Variants in LNPEP observed in about 807,000 individuals in gnomAD.
The protein encoded by LNPEP is leucyl-cystinyl aminopeptidase.
Under a neutral mutation model 120.6 loss-of-function variants are expected in LNPEP, and 64 were observed. The observed-to-expected ratio is 0.53, with a 90% CI of 0.43 to 0.65. The LOEUF is 0.65. LNPEP is among the 30% of genes least tolerant of loss of function. The pLI is 0.00. For synonymous variants in LNPEP, 435 were observed against 425.4 expected, an observed-to-expected ratio of 1.02 and a Z score of -0.28; for missense variants, 1,057 against 1,200.0, an observed-to-expected ratio of 0.88 and a Z score of 1.76.
intron 4 of LNPEP, among the ~76,000 whole-genome samples, chr5:96,991,933 G>T (rs1235313511): frequency 1.3e-5 from 2 of 152,010 alleles, no homozygotes; most frequent in African/African-American, 2.4e-5. Context: ...TTTTCCACCT[G>T]TTGAGATCTT....
chr5:96,937,825 T>C (rs1788954274), intron 1 of LNPEP: 1 of 152,218 alleles, frequency 6.6e-6, no homozygotes, highest in Non-Finnish European at 1.5e-5. Context: ...GATGTGGGTA[T>C]TTGCAAACTG....
At chr5:96,959,279 C>G (rs1789541641) in intron 1 of LNPEP, among the ~76,000 whole-genome samples, 1 of 152,118 alleles carries the variant, frequency 6.6e-6, no homozygotes, top group South Asian at 2.1e-4. Context: ...ATATGTTGAG[C>G]TGATGAAGTA....
At chr5:96,966,992 C>T (rs569806648) in intron 1 of LNPEP, among the ~76,000 whole-genome samples, 30 of 152,152 alleles carry the variant, frequency 2.0e-4, no homozygotes, top group African/African-American at 7.0e-4. Flanking sequence ...AAATCACTTA[C>T]GTAAGCAACA....
intron 15 of LNPEP, among the ~76,000 whole-genome samples, chr5:97,026,221 A>G (rs1008518556): frequency 4.6e-5 from 7 of 152,174 alleles, no homozygotes; most frequent in Non-Finnish European, 8.8e-5. Context: ...ATGTATCCTA[A>G]TTTTCAAATA....
intron 1 of LNPEP, chr5:96,937,201 C>T (rs1370436949): frequency 2.0e-5 from 3 of 152,178 alleles, no homozygotes; most frequent in African/African-American, 7.2e-5. Context: ...GTCTATATCC[C>T]TGTTTAGTTT....
chr5:96,963,086 A>C (rs1400212243), intron 1 of LNPEP, among the ~76,000 whole-genome samples: 1 of 152,204 alleles, frequency 6.6e-6, no homozygotes, highest in African/African-American at 2.4e-5. Flanking sequence ...TCTGAGTTGA[A>C]ATTTGAAGTA....
chr5:97,016,914 C>T (rs1791080908), intron 13 of LNPEP, among the ~76,000 whole-genome samples: 1 of 152,102 alleles, frequency 6.6e-6, no homozygotes, highest in Non-Finnish European at 1.5e-5. Flanking sequence ...TGTTGATAGA[C>T]ATTTGCGTTA....
At chr5:97,001,355 G>A (rs1200580143) in intron 8 of LNPEP, among the ~76,000 whole-genome samples, 1 of 152,182 alleles carries the variant, frequency 6.6e-6, no homozygotes, top group Non-Finnish European at 1.5e-5. Context: ...TGAACAACTG[G>A]AAAAATGGAG....
chr5:96,944,537 C>CTT lies in LNPEP; in HGVS notation c.19+8368_19+8369dup, dbSNP rs147837667. Reference sequence around the variant, plus strand: ...GTTCATAGGTGGATTCAAAGATTTTCTTTTTTGTTTTTCTTATTTTTGCTT... The same window carrying CTT: ...GTTCATAGGTGGATTCAAAGATTTTCTTTTTTTTGTTTTTCTTATTTTTGCTT... On this transcript the variant is annotated intron_variant, in intron 1 of 17. Coordinates refer to ENST00000231368, the MANE Select transcript of LNPEP (RefSeq NM_005575.3). Among the ~76,000 whole-genome samples, 39 of 108,254 alleles carry CTT rather than the reference C, an allele frequency of 3.6e-4. 1 individual carries two copies. Among genetic ancestry groups the CTT allele is most frequent in the South Asian group, 1.3e-3 (4 of 3,004 alleles). 71.0% of individuals were successfully genotyped at this position (108,254 alleles called of 152,430 possible). A position where few individuals can be genotyped will look rare whatever the true frequency, so the allele number is the denominator to read the frequency against.
intron 4 of LNPEP, among the ~76,000 whole-genome samples, chr5:96,989,411 AAT>A (rs67185965): frequency 4.3e-5 from 1 of 22,990 alleles, no homozygotes; most frequent in Non-Finnish European, 8.2e-5. Flanking sequence ...TATTATATAT[AAT>A]ATATAATTAT....
intron 5 of LNPEP, among the ~76,000 whole-genome samples, chr5:96,993,336 G>T (rs1042984155): frequency 6.6e-6 from 1 of 152,156 alleles, no homozygotes; most frequent in African/African-American, 2.4e-5. Context: ...AAACACTTAA[G>T]TTTATAGGGC....
chr5:96,964,170 G>A (rs1452165743), intron 1 of LNPEP, among the ~76,000 whole-genome samples: 2 of 149,878 alleles, frequency 1.3e-5, no homozygotes, highest in African/African-American at 4.9e-5. Context: ...TTGTCTTTCT[G>A]TGTCTGACTT....
chr5:96,954,768 ATATATTTTTTTTTT>A (rs1789416880), intron 1 of LNPEP, among the ~76,000 whole-genome samples: 1 of 36,096 alleles, frequency 2.8e-5, no homozygotes, highest in African/African-American at 1.0e-4. Context: ...ATATATATAT[ATATATTTTTTTTTT>A]TTTTTTTTTT....
intron 2 of LNPEP, among the ~76,000 whole-genome samples, chr5:96,984,397 A>G (rs1790194256): frequency 6.6e-6 from 1 of 152,100 alleles, no homozygotes; most frequent in South Asian, 2.1e-4. Context: ...CTTAATCTAA[A>G]TGGGTCCAGG....
chr5:97,017,109 T>C (rs1412901326), intron 13 of LNPEP, among the ~76,000 whole-genome samples: 1 of 152,204 alleles, frequency 6.6e-6, no homozygotes, highest in East Asian at 1.9e-4. Context: ...ATATGAGAAT[T>C]CTAGGTGCTC....
intron 1 of LNPEP, among the ~76,000 whole-genome samples, chr5:96,945,405 CAAAAAAAA>C (rs751074987): frequency 4.6e-5 from 3 of 65,306 alleles, no homozygotes; most frequent in Admixed American, 1.6e-4. Context: ...GACCCTATCT[CAAAAAAAA>C]AAAAAAAAAA....
At chr5:96,955,412 C>T (rs534092722) in intron 1 of LNPEP, among the ~76,000 whole-genome samples, 2 of 151,954 alleles carry the variant, frequency 1.3e-5, no homozygotes, top group Admixed American at 6.6e-5. Context: ...GCCAGTTGTT[C>T]GAGACCAGCC....
At chr5:96,948,865 T>C (rs1188957566) in intron 1 of LNPEP, among the ~76,000 whole-genome samples, 1 of 152,212 alleles carries the variant, frequency 6.6e-6, no homozygotes, top group Non-Finnish European at 1.5e-5. Flanking sequence ...CTGTATAGTA[T>C]AGTATAATAG....
At position 96,993,266 on chromosome 5, in the gene LNPEP, A is replaced by G. The variant is rs987529038; in HGVS notation, c.1252+131A>G. 1.7e-5 allele frequency: 10 copies of G among 599,420 alleles called. No homozygotes were observed. In the African/African-American group the frequency reaches 1.7e-4, roughly 10 times the overall value. 37.1% of individuals were successfully genotyped at this position (599,420 alleles called of 1,614,324 possible). ...CAAAAACCATTATTAATGCTTTAAA[A>G]ATTGTTTGTATTTGTTAAGATTATT... On this transcript the variant is annotated intron_variant, in intron 5 of 17. Transcript: ENST00000231368.
Sources: allele counts gnomAD v4.1 joint callset (sites outside exome capture counted in the v4.1 genomes callset), GRCh38; gene constraint gnomAD v4.1.1; transcripts MANE v1.5; gene names NCBI Gene and HGNC (gene_info 2026-07-23, HGNC 2026-07-21).